VPS13C: variants seen among roughly 807,000 people sequenced by gnomAD.
The protein encoded by VPS13C is vacuolar protein sorting 13 homolog C.
In VPS13C, 358 loss-of-function variants were observed where a neutral mutation model predicts 456.8. The observed-to-expected ratio is 0.78, with a 90% CI of 0.72 to 0.86. VPS13C has a LOEUF of 0.86. Ranked by LOEUF, VPS13C falls within the 40% of genes least tolerant of loss-of-function variation. The pLI is 0.00. For missense variants in VPS13C, 4,818 were observed against 4,385.4 expected (o/e 1.10, Z -2.79); for synonymous variants, 1,578 against 1,486.7 (o/e 1.06, Z -1.41).
intron 2 of VPS13C, among the ~76,000 whole-genome samples, chr15:62,042,598 G>A (rs1418130058): frequency 6.6e-6 from 1 of 151,824 alleles, no homozygotes; most frequent in African/African-American, 2.4e-5. Flanking sequence ...TAAATTCAAG[G>A]GAATTCGCAT....
chr15:62,028,222 G>T, intron 6 of VPS13C, 136 bp downstream of exon 6: 3 of 787,198 alleles, frequency 3.8e-6, no homozygotes, highest in Non-Finnish European at 6.3e-6. Flanking sequence ...GGAAATGATG[G>T]TAGAGGGGGA....
chr15:62,003,091 T>C (rs1215825225), intron 15 of VPS13C, among the ~76,000 whole-genome samples: 1 of 152,186 alleles, frequency 6.6e-6, no homozygotes, highest in South Asian at 2.1e-4. Context: ...TGGCATTGAA[T>C]CTGTAAATTA....
chr15:61,945,919 G>GAGCTGTAT, intron 44 of VPS13C, 37 bp from the exon 45 acceptor site: 1 of 1,550,850 alleles, frequency 6.4e-7, no homozygotes. Flanking sequence ...TATATCAAAA[G>GAGCTGTAT]AGCTGTATAG....
intron 66 of VPS13C, among the ~76,000 whole-genome samples, chr15:61,896,578 C>T (rs1239639869): frequency 6.6e-6 from 1 of 152,232 alleles, no homozygotes; most frequent in African/African-American, 2.4e-5. Context: ...AGATTATATC[C>T]CGCACCTGGC....
At chr15:61,922,236 AATT>A (rs899945516) in intron 54 of VPS13C, among the ~76,000 whole-genome samples, 158 bp downstream of exon 54, 1 of 152,200 alleles carries the variant, frequency 6.6e-6, no homozygotes, top group African/African-American at 2.4e-5. Context: ...TTTAAAAAAT[AATT>A]ATCAAAAAAC....
At chr15:62,026,011 T>C (rs1471192263) in intron 6 of VPS13C, among the ~76,000 whole-genome samples, 1 of 128,156 alleles carries the variant, frequency 7.8e-6, no homozygotes, top group African/African-American at 2.6e-5. Context: ...CTCTTTAATG[T>C]CTCACTTAGT....
intron 1 of VPS13C, among the ~76,000 whole-genome samples, chr15:62,049,176 C>T (rs1253871762): frequency 2.0e-5 from 3 of 152,146 alleles, no homozygotes; most frequent in Non-Finnish European, 4.4e-5. Flanking sequence ...GAAGTCCTTG[C>T]CCATGCCTAT....
In VPS13C at chr15:61,974,335, T is replaced by C. The variant is rs1313213992; in HGVS notation, c.2491A>G (p.Ser831Gly). ...KMKDVLYLMNSIPLPQKSSAQ... is the reference protein window; with the variant it reads ...KMKDVLYLMNGIPLPQKSSAQ... ...GATGATTTCTGTGGCAAAGGTATAC[T>C]GTTCATCAAATATAGCACATCTTTC... The change falls in exon 25 of 85, where the codon AGT (serine) becomes GGT (glycine). Residue 831 changes from serine (S) to glycine (G), a missense_variant. Physicochemically the swap from Ser to Gly is moderately conservative, Grantham distance 56 (BLOSUM62 0). Around this residue, in one of 3 missense-constraint regions of VPS13C, gnomAD observed 4,552 missense variants for 4,130.6 expected, o/e 1.10. Transcript: ENST00000644861. 1.2e-6 allele frequency: 2 copies of C among 1,612,718 alleles called. No homozygotes were observed. The highest frequency in any genetic ancestry group is 1.7e-5 in the Admixed American group (1 of 59,984).
rs2045121623 is a variant in VPS13C at position 61,959,494 on chromosome 15, T to C, written c.4010A>G (p.His1337Arg). The C allele has an allele frequency of 6.2e-7, 1 of 1,613,192 alleles. No individual in the cohort carries two copies. The highest frequency in any genetic ancestry group is 8.5e-7 in the Non-Finnish European group (1 of 1,179,390). ...VNRNLAASWY[H>R]KVPVVEIKGH... ...TTTAATTTCCACAACAGGCACCTTGTGGTACCAAGATGCAGCTAGATTCCG... is the reference window on the plus strand; with the variant it reads ...TTTAATTTCCACAACAGGCACCTTGCGGTACCAAGATGCAGCTAGATTCCG... Residue 1337 changes from histidine (H) to arginine (R), a missense_variant, in exon 36 of 85, where the codon CAC becomes CGC. His to Arg is a conservative substitution (Grantham distance 29). Coordinates refer to ENST00000644861, the MANE Select transcript of VPS13C (RefSeq NM_020821.3).
In VPS13C at chr15:61,917,321, A is replaced by G. The variant is rs1431572253; in HGVS notation, c.8055+20T>C. 6.2e-7 allele frequency: 1 copy of G among 1,602,684 alleles called. No individual in the cohort carries two copies. Among genetic ancestry groups the G allele is most frequent in the Non-Finnish European group, 8.5e-7 (1 of 1,172,990 alleles). ...TACTCTGTGCAACAACAAAAATCAA[A>G]CAAAATGCAAGAGACATACCTCAAG... On this transcript the variant is annotated intron_variant, in intron 60 of 84. Transcript: ENST00000644861.
In VPS13C at chr15:61,958,636, A is replaced by T; in HGVS notation, c.4137T>A (p.Asp1379Glu). Residue 1379 changes from aspartate (D) to glutamate (E), a missense_variant, in exon 37 of 85, where the codon GAT (aspartate) becomes GAA (glutamate). This residue lies in a region of VPS13C where 4,552 missense variants were observed against 4,130.6 expected (regional missense o/e 1.10). Coordinates refer to ENST00000644861, the MANE Select transcript of VPS13C (RefSeq NM_020821.3). ...ENLCEGTEDL[D>E]KVKPRVQETG... ...TCTCTTGTACTCTTGGTTTCACTTT[A>T]TCCAAGTCTTCAGTACCCTCACAGA... The T allele has an allele frequency of 1.9e-6, 3 of 1,577,062 alleles. No homozygotes were observed. The highest frequency in any genetic ancestry group is 2.6e-6 in the Non-Finnish European group (3 of 1,165,696).
At position 61,935,015 on chromosome 15, in the gene VPS13C, T is replaced by G. The variant is rs186958670; in HGVS notation, c.5756-684A>C. Among the ~76,000 whole-genome samples the G allele has an allele frequency of 5.9e-3, 900 of 152,296 alleles. 7 individuals carry two copies. Among genetic ancestry groups the G allele is most frequent in the African/African-American group, 0.021 (855 of 41,558 alleles). On this transcript the variant is annotated intron_variant, in intron 48 of 84. Coordinates refer to ENST00000644861, the MANE Select transcript of VPS13C (RefSeq NM_020821.3). ...ATCTGCCCACCTCGGCCTCCCAAAG[T>G]GCTGGGATTACAGGTGTGAGCCACT...
intron 15 of VPS13C, among the ~76,000 whole-genome samples, chr15:62,002,239 T>G (rs903295231): frequency 2.0e-5 from 3 of 152,198 alleles, no homozygotes; most frequent in Non-Finnish European, 2.9e-5. Flanking sequence ...TATCTCATTG[T>G]GGTTTTGATT....
At chr15:61,865,682 G>C (rs1894510305) in intron 81 of VPS13C, 1 of 383,396 alleles carries the variant, frequency 2.6e-6, no homozygotes, top group South Asian at 1.1e-4. Context: ...GTGTATATTT[G>C]TATGTGTATA....
At position 61,867,639 on chromosome 15, in the gene VPS13C, CT is replaced by C; in HGVS notation, c.10863+1019del. On this transcript the variant is annotated intron_variant, in intron 81 of 84. Transcript: ENST00000644861. The surrounding 1 kb of genome is among the most constrained non-coding windows in gnomAD (Gnocchi z 5.0). ...ATTTTCGAAATGATAGTAACAGTAT[CT>C]GCTTCTGAGCTCAATAAAGGCTTTC... The C allele has an allele frequency of 8.6e-7, 1 of 1,169,346 alleles. No homozygotes were observed. The highest frequency in any genetic ancestry group is 4.7e-5 in the Admixed American group (1 of 21,468). The allele number at this position is 1,169,346 out of a possible 1,614,324, so 72.4% of individuals were successfully genotyped here. A position where few individuals can be genotyped will look rare whatever the true frequency, so the allele number is the denominator to read the frequency against.
intron 51 of VPS13C, 159 bp from the exon 52 acceptor site, chr15:61,927,479 GATT>G (rs1469660102): frequency 1.5e-5 from 9 of 606,914 alleles, no homozygotes; most frequent in Non-Finnish European, 2.3e-5. Flanking sequence ...ATTATTAAAT[GATT>G]ATTAACAAAT....
intron 22 of VPS13C, 141 bp downstream of exon 22, chr15:61,981,201 C>A: frequency 9.6e-7 from 1 of 1,039,804 alleles, no homozygotes; most frequent in Non-Finnish European, 1.3e-6. Context: ...TAAAATACTC[C>A]AAGCAAGGCT....
At chr15:61,924,769 G>A (rs996857078) in intron 53 of VPS13C, among the ~76,000 whole-genome samples, 7 of 151,208 alleles carry the variant, frequency 4.6e-5, no homozygotes, top group African/African-American at 1.2e-4. Flanking sequence ...TGTTGGTCAC[G>A]GACCTATATA....
intron 4 of VPS13C, among the ~76,000 whole-genome samples, chr15:62,033,819 A>C (rs2047898315): frequency 6.6e-6 from 1 of 151,600 alleles, no homozygotes; most frequent in South Asian, 2.1e-4. Context: ...AAAGATAAGA[A>C]GTAGAAACAG....
Sources: allele counts gnomAD v4.1 joint callset (sites outside exome capture counted in the v4.1 genomes callset), GRCh38; gene constraint gnomAD v4.1.1; regional missense constraint gnomAD v4.1.1; non-coding constraint Gnocchi (gnomAD v3.1); transcripts MANE v1.5; gene names NCBI Gene and HGNC (gene_info 2026-07-23, HGNC 2026-07-21).